TP53INP1: variants seen among roughly 807,000 people sequenced by gnomAD.
TP53INP1 encodes tumor protein p53-inducible nuclear protein 1.
In TP53INP1, 12 loss-of-function variants were observed where a neutral mutation model predicts 21.0. The ratio of observed to expected loss-of-function variants is 0.57; its 90% CI spans 0.37 to 0.93. The LOEUF is 0.93. TP53INP1 is among the 40% of genes least tolerant of loss of function. The pLI is 0.01. For synonymous variants in TP53INP1, 91 were observed against 94.8 expected, an observed-to-expected ratio of 0.96 and a Z score of 0.23; for missense variants, 274 against 294.7, an observed-to-expected ratio of 0.93 and a Z score of 0.51.
Position 94,940,099 on chromosome 8 carries a change from A to G in TP53INP1, c.234T>C (p.Asp78=), listed in dbSNP as rs1238534286. ...CLPASLECLA[D]TSDSCFLQFE... ...ACTGGAGAAAGCAGGAATCACTTGTATCAGCCAAGCACTCAAGAGATGCCG... is the reference window on the plus strand; with the variant it reads ...ACTGGAGAAAGCAGGAATCACTTGTGTCAGCCAAGCACTCAAGAGATGCCG... The change falls in exon 3 of 4, where the codon GAT becomes GAC. Residue 78 remains aspartate (D), a synonymous_variant. Coordinates refer to ENST00000342697, the MANE Select transcript of TP53INP1 (RefSeq NM_033285.4). 1.2e-6 allele frequency: 2 copies of G among 1,614,234 alleles called. No homozygotes were observed. The highest frequency in any genetic ancestry group is 1.7e-5 in the Admixed American group (1 of 60,030).
intron 3 of TP53INP1, among the ~76,000 whole-genome samples, chr8:94,935,007 G>T (rs1820814599): frequency 1.3e-5 from 2 of 152,062 alleles, no homozygotes; most frequent in South Asian, 4.1e-4. Flanking sequence ...ACAATATTGA[G>T]ACTTGAGAGT....
rs1586686984 is a variant in TP53INP1 at position 94,930,439 on chromosome 8, G to A, written c.*40C>T. On this transcript the variant is annotated 3_prime_UTR_variant, in exon 4 of 4. Coordinates refer to ENST00000342697, the MANE Select transcript of TP53INP1 (RefSeq NM_033285.4). ...CATATACACACATCCATACATGTAA[G>A]CACAAACCAAGAGAAACCAACCAAC... is the stretch of plus-strand genomic sequence containing the variant. The A allele has an allele frequency of 6.2e-7, 1 of 1,611,178 alleles. No homozygotes were observed. Among genetic ancestry groups the A allele is most frequent in the Non-Finnish European group, 8.5e-7 (1 of 1,177,836 alleles).
At chr8:94,939,062 C>A (rs760804833) in intron 3 of TP53INP1, among the ~76,000 whole-genome samples, 1 of 152,148 alleles carries the variant, frequency 6.6e-6, no homozygotes, top group Admixed American at 6.5e-5. Context: ...GTGGAAAAAA[C>A]CCACACATCT....
chr8:94,941,590 G>A (rs1821539337), intron 1 of TP53INP1, among the ~76,000 whole-genome samples: 1 of 152,196 alleles, frequency 6.6e-6, no homozygotes, highest in East Asian at 1.9e-4. Flanking sequence ...AGCCCAGCAA[G>A]CATACTTTGA....
rs533545681 is a variant in TP53INP1 at position 94,937,665 on chromosome 8, A to G, written c.473+2195T>C. On this transcript the variant is annotated intron_variant, in intron 3 of 3. Coordinates refer to ENST00000342697, the MANE Select transcript of TP53INP1 (RefSeq NM_033285.4). ...ATTTTTTTTTCCTCTACTGGATGCA[A>G]TGGTCCTAGGACCAGGGCTGTAACT... 5.3e-5 allele frequency among the ~76,000 whole-genome samples: 8 copies of G among 152,062 alleles called. No homozygotes were observed. The South Asian group carries it at 1.5e-3, about 28-fold the overall frequency.
intron 1 of TP53INP1, among the ~76,000 whole-genome samples, chr8:94,942,940 G>A (rs1311886923): frequency 2.0e-5 from 3 of 152,214 alleles, no homozygotes; most frequent in Admixed American, 2.0e-4. Context: ...AAAGGGGAAG[G>A]GAAAAGTCAA....
chr8:94,931,612 A>AT (rs1356237037), intron 3 of TP53INP1, among the ~76,000 whole-genome samples: 9 of 151,804 alleles, frequency 5.9e-5, no homozygotes, highest in Admixed American at 1.3e-4. Flanking sequence ...ACACACACAT[A>AT]AAATTTTTTT....
chr8:94,938,780 G>C (rs192432164), intron 3 of TP53INP1, among the ~76,000 whole-genome samples: 1 of 152,278 alleles, frequency 6.6e-6, no homozygotes, highest in Non-Finnish European at 1.5e-5. Context: ...TAATAAACTG[G>C]TAAACATGTT....
chr8:94,932,250 A>G lies in TP53INP1; in HGVS notation c.474-1522T>C, dbSNP rs998608615. ...GGCACGTACATGTGCTTAAGATAACATGTAAAACCTTCAAAAACAATACTT... is the reference window on the plus strand; with the variant it reads ...GGCACGTACATGTGCTTAAGATAACGTGTAAAACCTTCAAAAACAATACTT... On this transcript the variant is annotated intron_variant, in intron 3 of 3. Transcript: ENST00000342697. 8 of 811,170 alleles carry G rather than the reference A, an allele frequency of 9.9e-6. 1 individual carries two copies. Among genetic ancestry groups the G allele is most frequent in the East Asian group, 2.7e-5 (1 of 36,946 alleles). The allele number at this position is 811,170 out of a possible 1,614,324, so 50.2% of individuals were successfully genotyped here. A position where few individuals can be genotyped will look rare whatever the true frequency, so the allele number is the denominator to read the frequency against.
intron 3 of TP53INP1, among the ~76,000 whole-genome samples, chr8:94,931,318 A>C (rs558669451): frequency 1.2e-4 from 18 of 152,276 alleles, no homozygotes; most frequent in Admixed American, 5.2e-4. Flanking sequence ...TAATAGAATA[A>C]ATCTCTTAAG....
chr8:94,931,036 G>A (rs544754679), intron 3 of TP53INP1, among the ~76,000 whole-genome samples: 11 of 152,188 alleles, frequency 7.2e-5, no homozygotes, highest in African/African-American at 2.7e-4. Context: ...ATATAAGCTT[G>A]TCTGGGAGGG....
intron 1 of TP53INP1, among the ~76,000 whole-genome samples, chr8:94,941,529 G>A (rs1195284361): frequency 1.3e-5 from 2 of 152,150 alleles, no homozygotes; most frequent in Admixed American, 1.3e-4. Flanking sequence ...CTTCTACTCT[G>A]TACTTCTTGT....
intron 3 of TP53INP1, among the ~76,000 whole-genome samples, chr8:94,936,696 G>A (rs1204567192): frequency 6.6e-6 from 1 of 152,106 alleles, no homozygotes; most frequent in Non-Finnish European, 1.5e-5. Flanking sequence ...ACGGAAATTT[G>A]AGGGGTATAT....
rs752634816 is a variant in TP53INP1 at position 94,930,482 on chromosome 8, G to A, written c.720C>T (p.Tyr240=). Residue 240 remains tyrosine, a synonymous_variant, in exon 4 of 4, where the codon TAC becomes TAT. Coordinates refer to ENST00000342697, the MANE Select transcript of TP53INP1 (RefSeq NM_033285.4). Reference sequence around the variant, plus strand: ...CAACCAACAAAACTTGAAACTATTAGTAATTGTACTGACGCGGGCAGGGCT... The same window carrying A: ...CAACCAACAAAACTTGAAACTATTAATAATTGTACTGACGCGGGCAGGGCT... ...VHQPCPRQYN[Y] 6.2e-7 allele frequency: 1 copy of A among 1,614,098 alleles called. No homozygotes were observed. The highest frequency in any genetic ancestry group is 1.1e-5 in the South Asian group (1 of 91,082).
rs375670576 is a variant in TP53INP1, at chr8:94,930,070, G to A, written c.*409C>T. The A allele has an allele frequency of 7.7e-5, 14 of 182,880 alleles. 1 individual carries two copies. In the South Asian group the frequency reaches 1.2e-3, roughly 16 times the overall value. The allele number at this position is 182,880 out of a possible 1,614,324, so 11.3% of individuals were successfully genotyped here. A position where few individuals can be genotyped will look rare whatever the true frequency, so the allele number is the denominator to read the frequency against. ...ATTATCAAGTACTGGTCAATAAAGT[G>A]TACAGCTGACCCTGAGAATAAATTT... On this transcript the variant is annotated 3_prime_UTR_variant, in exon 4 of 4. Transcript: ENST00000342697.
At chr8:94,933,842 G>GT (rs963875109) in intron 3 of TP53INP1, among the ~76,000 whole-genome samples, 1 of 148,090 alleles carries the variant, frequency 6.8e-6, no homozygotes, top group Admixed American at 6.7e-5. Context: ...TGTGGGGGGG[G>GT]GGGGAGGATC....
chr8:94,932,379 A>G (rs1356681065), intron 3 of TP53INP1, among the ~76,000 whole-genome samples: 2 of 152,240 alleles, frequency 1.3e-5, no homozygotes, highest in Non-Finnish European at 2.9e-5. Context: ...GATAGACACA[A>G]TGGAAGCAAT....
intron 3 of TP53INP1, among the ~76,000 whole-genome samples, chr8:94,938,780 G>A (rs192432164): frequency 2.0e-5 from 3 of 152,278 alleles, no homozygotes; most frequent in Non-Finnish European, 2.9e-5. Flanking sequence ...TAATAAACTG[G>A]TAAACATGTT....
chr8:94,930,864 G>T, intron 3 of TP53INP1, 136 bp from the exon 4 acceptor site: 1 of 1,049,926 alleles, frequency 9.5e-7, no homozygotes, highest in Non-Finnish European at 1.3e-6. Flanking sequence ...ATGGCTGACA[G>T]ACAAGTTTAT....
Sources: gnomAD v4.1 joint callset for allele counts (sites outside exome capture counted in the v4.1 genomes callset) on GRCh38, gnomAD v4.1.1 for gene constraint, MANE v1.5 for transcripts, NCBI Gene and HGNC (gene_info 2026-07-23, HGNC 2026-07-21) for gene names.